PRKAR1A: variants seen among roughly 807,000 people sequenced by gnomAD.
PRKAR1A encodes the protein cAMP-dependent protein kinase type I-alpha regulatory subunit.
Under a neutral mutation model 52.0 loss-of-function variants are expected in PRKAR1A, and 3 were observed. That is an observed-to-expected ratio of 0.06 (90% confidence interval 0.03 to 0.15). PRKAR1A has a LOEUF of 0.15. Among genes scored for constraint, PRKAR1A ranks in the 10% least tolerant of loss-of-function variants. The pLI, the probability that PRKAR1A is intolerant of heterozygous loss-of-function variation, is 1.00. For missense variants in PRKAR1A, 240 were observed against 477.4 expected, an observed-to-expected ratio of 0.50 and a Z score of 4.63; for synonymous variants, 188 against 168.4, an observed-to-expected ratio of 1.12 and a Z score of -0.90.
chr17:68,466,406 TCTC>T, the PRKAR1A span, among the ~76,000 whole-genome samples: 1 of 141,594 alleles, frequency 7.1e-6, no homozygotes, highest in African/African-American at 2.8e-5. Flanking sequence ...ATGTTTTCTC[TCTC>T]TTTTTTTTTT....
At chr17:68,444,627 C>T in the PRKAR1A span, 1 of 1,561,824 alleles carries the variant, frequency 6.4e-7, no homozygotes, top group Non-Finnish European at 8.8e-7. Context: ...CCGAACCGTT[C>T]CTTACAAAGA....
At chr17:68,536,370 G>A (rs1224230476), downstream of PRKAR1A, 1 of 454,050 alleles carries the variant, frequency 2.2e-6, no homozygotes, top group Admixed American at 2.3e-5. Context: ...TGTGTTTTCG[G>A]TCATTAATTA....
At chr17:68,478,453 AAAC>A in the PRKAR1A span, among the ~76,000 whole-genome samples, 1,142 of 152,296 alleles carry the variant, frequency 7.5e-3, 14 homozygotes, top group African/African-American at 0.026. Flanking sequence ...TTCGTCTCAA[AAAC>A]AACAACAACA....
chr17:68,476,531 A>G, the PRKAR1A span, among the ~76,000 whole-genome samples: 1 of 152,112 alleles, frequency 6.6e-6, no homozygotes, highest in Admixed American at 6.5e-5. Flanking sequence ...TCCCGGGGCA[A>G]CCACTGTTAC....
At chr17:68,457,502 G>A in the PRKAR1A span, 1 of 1,221,640 alleles carries the variant, frequency 8.2e-7, no homozygotes, top group Non-Finnish European at 1.0e-6. Context: ...TCCACGGGCC[G>A]GGTCGCCGGT....
At chr17:68,460,181 C>T in the PRKAR1A span, among the ~76,000 whole-genome samples, 1 of 152,094 alleles carries the variant, frequency 6.6e-6, no homozygotes, top group African/African-American at 2.4e-5. Context: ...TTCACTTACA[C>T]CATATCTCAG....
chr17:68,420,461 T>G, the PRKAR1A span: 1 of 1,605,838 alleles, frequency 6.2e-7, no homozygotes, highest in Non-Finnish European at 8.5e-7. Context: ...TCAAGCCGCA[T>G]AACAGACCAA....
At chr17:68,468,869 A>G in the PRKAR1A span, among the ~76,000 whole-genome samples, 1 of 152,178 alleles carries the variant, frequency 6.6e-6, no homozygotes, top group Admixed American at 6.5e-5. Context: ...CAAAATATTT[A>G]AAGTGGCCCA....
At chr17:68,424,000 C>T in the PRKAR1A span, among the ~76,000 whole-genome samples, 1 of 152,114 alleles carries the variant, frequency 6.6e-6, no homozygotes, top group Non-Finnish European at 1.5e-5. This position sits in a 1 kb window ranked among gnomAD's most constrained non-coding sequence, Gnocchi z 4.4. Context: ...CATTTGTCCC[C>T]ACGGTGTCTG....
rs543856653 is a variant in PRKAR1A, at chr17:68,520,773, G to T, written c.178-1983G>T. On this transcript the variant is annotated intron_variant, in intron 2 of 10. Coordinates refer to ENST00000589228, the MANE Select transcript of PRKAR1A (RefSeq NM_002734.5). The stretch of plus-strand genomic sequence containing the variant: ...ACACTGCTAAAATCAGAATGCTTTT[G>T]TTACTTCAAAATTAATCTTAAAAAT... Among the ~76,000 whole-genome samples the T allele has an allele frequency of 3.3e-5, 5 of 152,260 alleles. No individual in the cohort carries two copies. The East Asian group carries it at 9.6e-4, about 29-fold the overall frequency.
At chr17:68,436,484 C>T in the PRKAR1A span, 6 of 1,613,320 alleles carry the variant, frequency 3.7e-6, no homozygotes, top group African/African-American at 1.3e-5. Flanking sequence ...ATAGACCTGG[C>T]AAAGAAGAAA....
intron 2 of PRKAR1A, among the ~76,000 whole-genome samples, chr17:68,520,201 C>T (rs1410832616): frequency 1.3e-5 from 2 of 152,218 alleles, no homozygotes; most frequent in African/African-American, 2.4e-5. Flanking sequence ...GGCATGTCCA[C>T]TTACATTCCA....
At chr17:68,457,258 G>A in the PRKAR1A span, 12 of 1,482,828 alleles carry the variant, frequency 8.1e-6, no homozygotes, top group Non-Finnish European at 1.1e-5. Context: ...CGAGGCGGAA[G>A]CCACAAGCTG....
chr17:68,477,920 A>G, the PRKAR1A span, among the ~76,000 whole-genome samples: 1 of 151,914 alleles, frequency 6.6e-6, no homozygotes. Context: ...ACGGGGTTTC[A>G]CCATGTTGGC....
intron 9 of PRKAR1A, 152 bp from the exon 10 acceptor site, chr17:68,529,768 A>G (rs529634106): frequency 2.6e-6 from 2 of 781,992 alleles, no homozygotes; most frequent in East Asian, 5.2e-5. Flanking sequence ...CTGGTAAAAT[A>G]GAAATTGAAG....
chr17:68,513,612 G>C (rs1210659670), intron 1 of PRKAR1A, among the ~76,000 whole-genome samples: 1 of 152,216 alleles, frequency 6.6e-6, no homozygotes. Context: ...GGGAAGGCTA[G>C]GTTGTTGGGC....
At chr17:68,522,665 G>C in intron 2 of PRKAR1A, 91 bp from the exon 3 acceptor site, 3 of 1,377,756 alleles carry the variant, frequency 2.2e-6, no homozygotes, top group Non-Finnish European at 3.1e-6. Context: ...GAAGAGATTG[G>C]AAGTGACTGA....
chr17:68,490,692 T>TG, the PRKAR1A span, among the ~76,000 whole-genome samples: 1 of 152,070 alleles, frequency 6.6e-6, no homozygotes, highest in Non-Finnish European at 1.5e-5. Context: ...TACCCATCTG[T>TG]GAAGAGAGAA....
the PRKAR1A span, among the ~76,000 whole-genome samples, chr17:68,431,100 TG>T: frequency 1.3e-5 from 2 of 152,228 alleles, no homozygotes; most frequent in African/African-American, 4.8e-5. Flanking sequence ...TGCTCCGGGC[TG>T]GGGTTTACAA....
Sources: gnomAD v4.1 joint callset for allele counts (sites outside exome capture counted in the v4.1 genomes callset) on GRCh38, gnomAD v4.1.1 for gene constraint, Gnocchi (gnomAD v3.1) non-coding constraint, MANE v1.5 for transcripts, NCBI Gene and HGNC (gene_info 2026-07-23, HGNC 2026-07-21) for gene names.